DPP4: variants seen among roughly 807,000 people sequenced by gnomAD.
DPP4 encodes the protein ADCP-2.
In DPP4, 93 loss-of-function variants were observed where a neutral mutation model predicts 122.4. That is an observed-to-expected ratio of 0.76 (90% CI 0.64 to 0.90). The LOEUF is 0.90. Among genes scored for constraint, DPP4 ranks in the 40% least tolerant of loss-of-function variants. The pLI is 0.00. For missense variants in DPP4, 914 were observed against 907.3 expected, an observed-to-expected ratio of 1.01 and a Z score of -0.09; for synonymous variants, 321 against 302.9, an observed-to-expected ratio of 1.06 and a Z score of -0.62.
At chr2:162,008,125 AC>A (rs542025201) in intron 22 of DPP4, among the ~76,000 whole-genome samples, 25 of 152,094 alleles carry the variant, frequency 1.6e-4, no homozygotes, top group Non-Finnish European at 3.2e-4. Flanking sequence ...ATGAAAAAAA[AC>A]AACAACCCCC....
At chr2:162,055,064 A>C (rs1405848875) in intron 2 of DPP4, among the ~76,000 whole-genome samples, 1 of 152,248 alleles carries the variant, frequency 6.6e-6, no homozygotes, top group Non-Finnish European at 1.5e-5. Context: ...TAAGAATTTA[A>C]CTGCAATAAA....
At chr2:162,034,696 T>C (rs1323867724) in intron 9 of DPP4, among the ~76,000 whole-genome samples, 2 of 152,290 alleles carry the variant, frequency 1.3e-5, no homozygotes, top group Non-Finnish European at 1.5e-5. Context: ...ATTCCAAATG[T>C]AGGACATGAA....
At chr2:162,005,912 A>G in intron 22 of DPP4, 103 bp from the exon 23 acceptor site, 2 of 875,070 alleles carry the variant, frequency 2.3e-6, no homozygotes, top group Non-Finnish European at 3.6e-6. Context: ...TCACTCATGT[A>G]TAGGAATATA....
intron 4 of DPP4, among the ~76,000 whole-genome samples, chr2:162,045,877 A>T (rs1260820991): frequency 1.3e-5 from 2 of 152,226 alleles, no homozygotes; most frequent in Non-Finnish European, 2.9e-5. Context: ...AACTTTCTCA[A>T]CAGTGGGAAT....
At chr2:162,018,615 A>T in intron 16 of DPP4, 114 bp downstream of exon 16, 1 of 1,329,112 alleles carries the variant, frequency 7.5e-7, no homozygotes. Flanking sequence ...GTGAGTGGAG[A>T]GAAGGGGACT....
intron 5 of DPP4, among the ~76,000 whole-genome samples, chr2:162,044,549 A>T (rs913338886): frequency 1.3e-5 from 2 of 152,044 alleles, no homozygotes; most frequent in African/African-American, 4.8e-5. Flanking sequence ...AAGGAAGATC[A>T]GGGGTGGGAA....
At chr2:162,073,628 G>A (rs1685203114) in intron 1 of DPP4, 142 bp from the exon 2 acceptor site, 1 of 796,340 alleles carries the variant, frequency 1.3e-6, no homozygotes, top group African/African-American at 1.7e-5. Context: ...GGGGGTGGGG[G>A]TGGCGTCTGG....
intron 22 of DPP4, among the ~76,000 whole-genome samples, chr2:162,007,129 T>G (rs1701301511): frequency 6.6e-6 from 1 of 152,012 alleles, no homozygotes; most frequent in Non-Finnish European, 1.5e-5. Flanking sequence ...TTTTATATAT[T>G]TAAAGGACAC....
chr2:162,022,908 T>A, intron 11 of DPP4, 109 bp from the exon 12 acceptor site: 1 of 1,050,202 alleles, frequency 9.5e-7, no homozygotes, highest in Non-Finnish European at 1.5e-6. Context: ...AACTGAGAGC[T>A]ATCTCCATTC....
intron 18 of DPP4, among the ~76,000 whole-genome samples, chr2:162,015,042 G>A (rs895166911): frequency 2.6e-5 from 4 of 152,092 alleles, no homozygotes; most frequent in Non-Finnish European, 5.9e-5. Context: ...GATCTCCCAC[G>A]GGTCTGTCTC....
chr2:162,065,847 G>C (rs1025613314), intron 2 of DPP4, among the ~76,000 whole-genome samples: 14 of 152,138 alleles, frequency 9.2e-5, no homozygotes, highest in Non-Finnish European at 1.8e-4. Flanking sequence ...TAATGTTTAT[G>C]TGTCTTTTAA....
chr2:162,047,119 G>T, intron 3 of DPP4, 113 bp from the exon 4 acceptor site: 1 of 621,986 alleles, frequency 1.6e-6, no homozygotes, highest in Non-Finnish European at 2.8e-6. Context: ...GCATTTCTAA[G>T]TTGAGAAAAC....
chr2:162,070,473 GTTTAATTC>G (rs1286548159), intron 2 of DPP4, among the ~76,000 whole-genome samples: 1 of 152,108 alleles, frequency 6.6e-6, no homozygotes, highest in Non-Finnish European at 1.5e-5. Flanking sequence ...CCTTTTGGCT[GTTTAATTC>G]TTTAGTTTCC....
At chr2:162,027,286 G>A (rs1023673987) in intron 10 of DPP4, among the ~76,000 whole-genome samples, 2 of 151,830 alleles carry the variant, frequency 1.3e-5, no homozygotes, top group Non-Finnish European at 2.9e-5. Flanking sequence ...GGGAGACGGA[G>A]GTTGTGATGA....
At chr2:162,071,916 C>T (rs888438447) in intron 2 of DPP4, among the ~76,000 whole-genome samples, 1 of 152,194 alleles carries the variant, frequency 6.6e-6, no homozygotes, top group Non-Finnish European at 1.5e-5. Flanking sequence ...CTTGCTTTAA[C>T]GGAAGTTCTG....
intron 5 of DPP4, among the ~76,000 whole-genome samples, chr2:162,041,110 A>T (rs771824315): frequency 6.6e-6 from 1 of 152,152 alleles, no homozygotes; most frequent in Non-Finnish European, 1.5e-5. Flanking sequence ...AAATATGGAA[A>T]GATACATATT....
intron 2 of DPP4, among the ~76,000 whole-genome samples, chr2:162,051,578 A>G (rs1427804562): frequency 6.6e-6 from 1 of 152,356 alleles, no homozygotes; most frequent in East Asian, 1.9e-4. Context: ...TGTGTTCCAT[A>G]TGGTAATCAG....
intron 23 of DPP4, among the ~76,000 whole-genome samples, chr2:162,001,607 C>T (rs979313669): frequency 2.0e-5 from 3 of 152,174 alleles, no homozygotes; most frequent in Admixed American, 6.6e-5. Flanking sequence ...AAGTCTACCA[C>T]GTTAACATTT....
At chr2:162,050,799 T>C (rs1045462484) in intron 2 of DPP4, among the ~76,000 whole-genome samples, 2 of 152,238 alleles carry the variant, frequency 1.3e-5, no homozygotes, top group African/African-American at 2.4e-5. Context: ...AGCAAGTTCA[T>C]AGTTGGCTGC....
Sources: allele counts gnomAD v4.1 joint callset (sites outside exome capture counted in the v4.1 genomes callset), GRCh38; gene constraint gnomAD v4.1.1; transcripts MANE v1.5; gene names NCBI Gene and HGNC (gene_info 2026-07-23, HGNC 2026-07-21).